ADK: variants seen among roughly 807,000 people sequenced by gnomAD.
ADK encodes N6,N6-dimethyladenosine kinase.
Under a neutral mutation model 44.7 loss-of-function variants are expected in ADK, and 24 were observed. That is an observed-to-expected ratio of 0.54 (90% CI 0.39 to 0.76). The LOEUF (loss-of-function observed/expected upper bound fraction) is 0.76. Ranked by LOEUF, ADK falls within the 30% of genes least tolerant of loss-of-function variation. ADK has a pLI of 0.00. For missense variants in ADK, 321 were observed against 425.1 expected, an observed-to-expected ratio of 0.76 and a Z score of 2.15; for synonymous variants, 128 against 142.6, an observed-to-expected ratio of 0.90 and a Z score of 0.73.
chr10:74,420,914 G>A (rs935826529), intron 6 of ADK, among the ~76,000 whole-genome samples: 1 of 152,136 alleles, frequency 6.6e-6, no homozygotes, highest in Non-Finnish European at 1.5e-5. Flanking sequence ...CTAAAAAGGG[G>A]ATACAAAAGG....
chr10:74,207,656 G>A (rs1843652046), intron 2 of ADK, among the ~76,000 whole-genome samples: 1 of 152,222 alleles, frequency 6.6e-6, no homozygotes, highest in Non-Finnish European at 1.5e-5. Context: ...GCTGAGTCCA[G>A]GGTTTTTAAT....
chr10:74,520,532 C>G, intron 6 of ADK, among the ~76,000 whole-genome samples: 4 of 151,442 alleles, frequency 2.6e-5, no homozygotes, highest in Admixed American at 2.6e-4. Flanking sequence ...AGGTTGTGTT[C>G]TTAGGCAAGG....
At chr10:74,630,014 A>T (rs1321524454) in intron 9 of ADK, among the ~76,000 whole-genome samples, 1 of 152,222 alleles carries the variant, frequency 6.6e-6, no homozygotes, top group South Asian at 2.1e-4. Context: ...ATAATTTAAC[A>T]TATGCACAGA....
At chr10:74,274,732 G>GTATA (rs754929114) in intron 3 of ADK, among the ~76,000 whole-genome samples, 850 of 84,204 alleles carry the variant, frequency 0.01, 53 homozygotes, top group African/African-American at 0.024. Context: ...TTTAATGTGT[G>GTATA]TATATATATA....
chr10:74,561,327 A>G (rs1282660641), intron 7 of ADK, among the ~76,000 whole-genome samples: 3 of 152,210 alleles, frequency 2.0e-5, no homozygotes, highest in Non-Finnish European at 4.4e-5. Flanking sequence ...AGATGTTGTC[A>G]AACCTGATAG....
At chr10:74,708,153 GAAAAAAA>G (rs35480343) in intron 10 of ADK, among the ~76,000 whole-genome samples, 161 bp from the exon 11 acceptor site, 2 of 132,722 alleles carry the variant, frequency 1.5e-5, no homozygotes, top group African/African-American at 5.7e-5. Flanking sequence ...CCATCTCGGG[GAAAAAAA>G]AAAAAAAAAA....
chr10:74,453,476 A>G (rs1845844722), intron 6 of ADK, among the ~76,000 whole-genome samples: 1 of 152,108 alleles, frequency 6.6e-6, no homozygotes, highest in Non-Finnish European at 1.5e-5. Flanking sequence ...TCTTATTAGT[A>G]TAATGCAGTT....
At chr10:74,579,761 A>T (rs1310060281) in intron 7 of ADK, among the ~76,000 whole-genome samples, 1 of 152,162 alleles carries the variant, frequency 6.6e-6, no homozygotes, top group Non-Finnish European at 1.5e-5. Flanking sequence ...GCTCCCCTTG[A>T]TTTTTAAGCC....
At chr10:74,181,216 G>T (rs1489744655) in intron 1 of ADK, among the ~76,000 whole-genome samples, 1 of 151,926 alleles carries the variant, frequency 6.6e-6, no homozygotes, top group Non-Finnish European at 1.5e-5. Flanking sequence ...ATTCAACTCT[G>T]AGGAATTCCT....
intron 2 of ADK, among the ~76,000 whole-genome samples, chr10:74,223,298 C>T (rs567361160): frequency 2.6e-5 from 4 of 152,222 alleles, no homozygotes; most frequent in Admixed American, 2.6e-4. Flanking sequence ...CCCATGATAA[C>T]CCATTAATCC....
In ADK at chr10:74,692,411, G is replaced by A. The variant is rs201219898; in HGVS notation, c.965-15910G>A. On this transcript the variant is annotated intron_variant, in intron 10 of 10. Transcript: ENST00000539909. The stretch of plus-strand genomic sequence containing the variant: ...GGAGAATTGCTTAAACCCAGGAGGC[G>A]AAGGTTGCAGTGAGCTGAGATCGTG... 7.2e-5 allele frequency among the ~76,000 whole-genome samples: 11 copies of A among 152,244 alleles called. No homozygotes were observed. The East Asian group carries it at 1.2e-3, about 16-fold the overall frequency.
At chr10:74,678,519 T>C (rs1485240498) in intron 10 of ADK, among the ~76,000 whole-genome samples, 1 of 152,214 alleles carries the variant, frequency 6.6e-6, no homozygotes, top group Non-Finnish European at 1.5e-5. Context: ...ATGGCCTTCA[T>C]CTAGAAGCAA....
At chr10:74,393,981 G>GT (rs1054602154) in intron 4 of ADK, among the ~76,000 whole-genome samples, 160 bp from the exon 5 acceptor site, 32 of 152,178 alleles carry the variant, frequency 2.1e-4, no homozygotes, top group African/African-American at 7.7e-4. Flanking sequence ...GTTATATTAA[G>GT]TTTTTTTAAT....
intron 9 of ADK, among the ~76,000 whole-genome samples, chr10:74,620,176 A>C (rs1456157818): frequency 6.6e-6 from 1 of 152,198 alleles, no homozygotes; most frequent in Non-Finnish European, 1.5e-5. Context: ...TGTTAACTGT[A>C]GTTATCCTAC....
chr10:74,338,298 T>A (rs1841477066), intron 4 of ADK, among the ~76,000 whole-genome samples: 1 of 152,204 alleles, frequency 6.6e-6, no homozygotes, highest in African/African-American at 2.4e-5. Flanking sequence ...ACAGAATGAA[T>A]GGATTTCTCA....
At chr10:74,491,151 C>G (rs1847469112) in intron 6 of ADK, among the ~76,000 whole-genome samples, 1 of 152,004 alleles carries the variant, frequency 6.6e-6, no homozygotes, top group African/African-American at 2.4e-5. Flanking sequence ...AAAACACTAC[C>G]ACATAAGCTA....
intron 3 of ADK, among the ~76,000 whole-genome samples, chr10:74,290,190 G>A (rs1049787161): frequency 5.3e-5 from 8 of 151,818 alleles, no homozygotes; most frequent in Admixed American, 5.3e-4. Flanking sequence ...CCTTCGGTTC[G>A]TTCTTTGTCT....
intron 6 of ADK, among the ~76,000 whole-genome samples, chr10:74,400,309 G>C (rs545315776): frequency 6.6e-6 from 1 of 152,100 alleles, no homozygotes; most frequent in Non-Finnish European, 1.5e-5. Flanking sequence ...ACATTGCCAG[G>C]TAAATCTGTA....
chr10:74,253,708 CATT>C (rs1845727812), intron 3 of ADK, among the ~76,000 whole-genome samples: 2 of 150,334 alleles, frequency 1.3e-5, no homozygotes, highest in South Asian at 4.2e-4. Flanking sequence ...ATGTATATGA[CATT>C]ATCAGTAATA....
Sources: allele counts gnomAD v4.1 joint callset (sites outside exome capture counted in the v4.1 genomes callset), GRCh38; gene constraint gnomAD v4.1.1; transcripts MANE v1.5; gene names NCBI Gene and HGNC (gene_info 2026-07-23, HGNC 2026-07-21).